The following DPM1 variants were observed in gnomAD, a reference collection of about 807,000 sequenced individuals.
DPM1 encodes the protein dolichol-phosphate mannosyltransferase subunit 1.
Under a neutral mutation model 39.0 loss-of-function variants are expected in DPM1, and 27 were observed. The ratio of observed to expected loss-of-function variants is 0.69; its 90% CI spans 0.51 to 0.95. The LOEUF (loss-of-function observed/expected upper bound fraction) is 0.95. Among genes scored for constraint, DPM1 ranks in the 40% least tolerant of loss-of-function variants. The pLI is 0.00. For synonymous variants in DPM1, 124 were observed against 109.0 expected (o/e 1.14, Z -0.86); for missense variants, 307 against 315.6 (o/e 0.97, Z 0.21).
intron 2 of DPM1, among the ~76,000 whole-genome samples, chr20:50,950,033 T>G (rs1339934532): frequency 2.0e-5 from 3 of 152,228 alleles, no homozygotes; most frequent in Admixed American, 1.3e-4. Flanking sequence ...TTTGTAGATC[T>G]TTTGCTTCTT....
intron 5 of DPM1, among the ~76,000 whole-genome samples, chr20:50,943,910 T>C (rs1475916485): frequency 1.3e-5 from 2 of 151,874 alleles, no homozygotes; most frequent in Non-Finnish European, 2.9e-5. Context: ...TGGCTAATTT[T>C]TTTGTATTTT....
intron 3 of DPM1, among the ~76,000 whole-genome samples, chr20:50,947,961 A>G (rs116014780): frequency 0.02 from 3,048 of 152,260 alleles, 108 homozygotes; most frequent in African/African-American, 0.07. Flanking sequence ...CTTGTAACTT[A>G]AAGGATGTTC....
Position 50,958,428 on chromosome 20 carries a change from AG to A in DPM1, c.95del (p.Pro32LeufsTer17). 1 of 1,614,088 alleles carries A rather than the reference AG, an allele frequency of 6.2e-7. No homozygotes were observed. Among genetic ancestry groups the A allele is most frequent in the Non-Finnish European group, 8.5e-7 (1 of 1,180,012 alleles). ...PRQNKYSVLL[P>X]TYNERENLPL... Reference sequence around the variant, plus strand: ...GCAGGTTCTCGCGCTCGTTGTAGGTAGGTAAAAGCACCGAATATTTGTTCTG... The same window carrying A: ...GCAGGTTCTCGCGCTCGTTGTAGGTAGTAAAAGCACCGAATATTTGTTCTG... On this transcript the variant is annotated frameshift_variant, in exon 1 of 9. Coordinates refer to ENST00000371588, the MANE Select transcript of DPM1 (RefSeq NM_003859.3). LOFTEE classifies it high-confidence loss of function.
At position 50,943,805 on chromosome 20, in the gene DPM1, T is replaced by C. The variant is rs566582951; in HGVS notation, c.399-1679A>G. Among the ~76,000 whole-genome samples the C allele has an allele frequency of 2.7e-5, 4 of 150,480 alleles. No individual in the cohort carries two copies. In the South Asian group the frequency reaches 8.4e-4, roughly 31 times the overall value. Reference sequence around the variant, plus strand: ...CCCAGGCTGGAGTGCAGTGGCGCGATCTTGGCTCACTGCAAGCTCCGCCTC... The same window carrying C: ...CCCAGGCTGGAGTGCAGTGGCGCGACCTTGGCTCACTGCAAGCTCCGCCTC... On this transcript the variant is annotated intron_variant, in intron 5 of 8. Transcript: ENST00000371588.
At position 50,936,196 on chromosome 20, in the gene DPM1, C is replaced by T. The variant is rs771271170; in HGVS notation, c.630G>A (p.Gln210=). 3 of 1,613,824 alleles carry T rather than the reference C, an allele frequency of 1.9e-6. No homozygotes were observed. The highest frequency in any genetic ancestry group is 1.7e-4 in the Middle Eastern group (1 of 6,058). The change falls in exon 8 of 9, where the codon CAG becomes CAA. Residue 210 remains glutamine (Q), a synonymous_variant. Transcript: ENST00000371588. ...GTCTTGCCCGAACAATCATCTCCAT[C>T]TGGAAGACGTAGCCTTTAGAAACAC... The part of the protein sequence containing the change: ...EKCVSKGYVF[Q]MEMIVRARQL...
chr20:50,951,672 C>T (rs1371617856), intron 2 of DPM1, among the ~76,000 whole-genome samples: 1 of 152,054 alleles, frequency 6.6e-6, no homozygotes, highest in Non-Finnish European at 1.5e-5. Context: ...TCTGTAATCC[C>T]AGCTACTCGG....
At chr20:50,935,346 T>A in intron 8 of DPM1, 110 bp from the exon 9 acceptor site, 1 of 724,310 alleles carries the variant, frequency 1.4e-6, no homozygotes, top group South Asian at 1.6e-5. Context: ...ACAACAGAGG[T>A]CCTTAAAGTA....
At chr20:50,939,791 T>A (rs1407700429) in intron 7 of DPM1, among the ~76,000 whole-genome samples, 1 of 152,068 alleles carries the variant, frequency 6.6e-6, no homozygotes, top group Middle Eastern at 3.2e-3. Flanking sequence ...TTTTTGTATT[T>A]TTAGTAGACA....
At chr20:50,948,312 G>C (rs1601048535) in intron 3 of DPM1, among the ~76,000 whole-genome samples, 1 of 152,072 alleles carries the variant, frequency 6.6e-6, no homozygotes, top group Non-Finnish European at 1.5e-5. Flanking sequence ...CCCTAGGGGT[G>C]GCAGTGACCT....
chr20:50,937,371 A>G (rs1985280093), intron 7 of DPM1, among the ~76,000 whole-genome samples: 1 of 152,210 alleles, frequency 6.6e-6, no homozygotes, highest in Non-Finnish European at 1.5e-5. Context: ...TCAATTTGGA[A>G]TAAATATGGA....
chr20:50,937,148 G>T (rs1346835544), intron 7 of DPM1, among the ~76,000 whole-genome samples: 2 of 151,726 alleles, frequency 1.3e-5, no homozygotes, highest in African/African-American at 4.8e-5. Flanking sequence ...AGGCAGTTTG[G>T]TGTAACTTTG....
chr20:50,936,393 C>T (rs946170253), intron 7 of DPM1, 131 bp from the exon 8 acceptor site: 21 of 627,100 alleles, frequency 3.3e-5, no homozygotes, highest in African/African-American at 2.6e-4. Context: ...CAGAAAAGCT[C>T]GCACACTTGA....
chr20:50,958,258 G>A (rs377289929), intron 1 of DPM1, 105 bp downstream of exon 1: 7 of 1,475,970 alleles, frequency 4.7e-6, no homozygotes, highest in East Asian at 2.4e-5. Flanking sequence ...TCCTGTGTGA[G>A]GCAAAGAAGG....
chr20:50,936,477 A>G (rs771509092), intron 7 of DPM1, among the ~76,000 whole-genome samples: 1 of 152,216 alleles, frequency 6.6e-6, no homozygotes, highest in Non-Finnish European at 1.5e-5. Flanking sequence ...AATTGTGAAA[A>G]TGAATTCTCA....
upstream of DPM1, chr20:50,958,560 T>A: frequency 6.2e-7 from 1 of 1,611,836 alleles, no homozygotes; most frequent in Middle Eastern, 1.7e-4. Context: ...CGGAATTACG[T>A]AATGTGGCGC....
intron 2 of DPM1, among the ~76,000 whole-genome samples, chr20:50,950,561 T>A (rs1455316804): frequency 6.6e-6 from 1 of 152,116 alleles, no homozygotes; most frequent in Non-Finnish European, 1.5e-5. Flanking sequence ...AGCTGGAAAA[T>A]CTTTCTTTTA....
At chr20:50,954,804 G>A (rs1986746280) in intron 2 of DPM1, among the ~76,000 whole-genome samples, 1 of 152,158 alleles carries the variant, frequency 6.6e-6, no homozygotes, top group Non-Finnish European at 1.5e-5. Context: ...TCTAATGAAA[G>A]CATGAGAATA....
chr20:50,948,564 A>G (rs1986411997), intron 3 of DPM1, 65 bp downstream of exon 3: 1 of 1,503,896 alleles, frequency 6.6e-7, no homozygotes, highest in African/African-American at 1.4e-5. Flanking sequence ...AACTGGGAAA[A>G]TACACACTGG....
At chr20:50,949,914 T>C (rs755009620) in intron 2 of DPM1, among the ~76,000 whole-genome samples, 1 of 152,182 alleles carries the variant, frequency 6.6e-6, no homozygotes, top group Non-Finnish European at 1.5e-5. Context: ...AAAAAATCCA[T>C]TCAGTCACTC....
Sources: gnomAD v4.1 joint callset for allele counts (sites outside exome capture counted in the v4.1 genomes callset) on GRCh38, gnomAD v4.1.1 for gene constraint, MANE v1.5 for transcripts, NCBI Gene and HGNC (gene_info 2026-07-23, HGNC 2026-07-21) for gene names.